PNPLA6: variants seen among roughly 807,000 people sequenced by gnomAD.
The protein encoded by PNPLA6 is patatin like domain 6, lysophospholipase, also known as patatin-like phospholipase domain-containing protein 6.
Under a neutral mutation model 153.7 loss-of-function variants are expected in PNPLA6, and 105 were observed. The ratio of observed to expected loss-of-function variants is 0.68; its 90% CI spans 0.58 to 0.80. The LOEUF is 0.80. PNPLA6 is among the 30% of genes least tolerant of loss of function. PNPLA6 has a pLI of 0.00. For missense variants in PNPLA6, 1,423 were observed against 1,919.3 expected (o/e 0.74, Z 4.83); for synonymous variants, 825 against 822.2 (o/e 1.00, Z -0.06).
At position 7,536,040 on chromosome 19, in the gene PNPLA6, C is replaced by T. The variant is rs1274631287; in HGVS notation, c.232+20C>T. ...TGCCAAGTGAGCACCCGAGGGGCCC[C>T]TCTTGGGAGGCTGTATGGTGGGGGG... is the stretch of plus-strand genomic sequence containing the variant. On this transcript the variant is annotated intron_variant, in intron 1 of 31. Transcript: ENST00000600737. 1 of 1,577,786 alleles carries T rather than the reference C, an allele frequency of 6.3e-7. No homozygotes were observed. The highest frequency in any genetic ancestry group is 8.6e-7 in the Non-Finnish European group (1 of 1,162,434).
rs1198987570 is a variant in PNPLA6, at chr19:7,540,685, T to G, written c.770T>G (p.Leu257Arg). The change falls in exon 6 of 32, where the codon CTT becomes CGT. Residue 257 changes from leucine (L) to arginine (R), a missense_variant. This residue lies in a region of PNPLA6 where 118 missense variants were observed against 158.8 expected (regional missense o/e 0.74). Coordinates refer to ENST00000600737, the MANE Select transcript of PNPLA6 (RefSeq NM_001166114.2). This position sits in a 1 kb window ranked among gnomAD's most constrained non-coding sequence, Gnocchi z 6.8. ...GTTCCTGGGGACAGCGTCAACAGCC[T>G]TCTCAGCATCCTGGATGTCATCACC... is the stretch of plus-strand genomic sequence containing the variant. The part of the protein sequence containing the change: ...EVVPGDSVNS[L>R]LSILDVITGH... 6.2e-7 allele frequency: 1 copy of G among 1,613,660 alleles called. No individual in the cohort carries two copies. The highest frequency in any genetic ancestry group is 1.3e-5 in the African/African-American group (1 of 74,876).
At chr19:7,544,355 G>T (rs1202265064) in intron 13 of PNPLA6, among the ~76,000 whole-genome samples, 2 of 152,092 alleles carry the variant, frequency 1.3e-5, no homozygotes, top group Non-Finnish European at 2.9e-5. Flanking sequence ...CAGGTGATCC[G>T]CCTGCCTCGG....
At position 7,541,321 on chromosome 19, in the gene PNPLA6, C is replaced by G. The variant is rs1266362396; in HGVS notation, c.925-33C>G. 2.5e-6 allele frequency: 4 copies of G among 1,595,194 alleles called. No homozygotes were observed. In the African/African-American group the frequency reaches 5.4e-5, roughly 21 times the overall value. ...ATCTGGCCCTGCCCCTTACCCCGCC[C>G]CATCTTATGGCCACGCCCCTCGAGC... is the stretch of plus-strand genomic sequence containing the variant. On this transcript the variant is annotated intron_variant, in intron 7 of 31. Coordinates refer to ENST00000600737, the MANE Select transcript of PNPLA6 (RefSeq NM_001166114.2). The surrounding 1 kb of genome is among the most constrained non-coding windows in gnomAD (Gnocchi z 5.2).
chr19:7,549,933 G>T lies in PNPLA6; in HGVS notation c.1635G>T (p.Trp545Cys). The change falls in exon 14 of 32, where the codon TGG becomes TGT. Residue 545 changes from tryptophan to cysteine, a missense_variant. Trp to Cys is a radical substitution (Grantham distance 215). This residue lies in a region of PNPLA6 where 119 missense variants were observed against 163.7 expected (regional missense o/e 0.73). Coordinates refer to ENST00000600737, the MANE Select transcript of PNPLA6 (RefSeq NM_001166114.2). Reference sequence around the variant, plus strand: ...ACGTGAGCCTGCACTTCGTGCTCTGGGGCTGCCTGCACGTGTACCAGCGCA... The same window carrying T: ...ACGTGAGCCTGCACTTCGTGCTCTGTGGCTGCCTGCACGTGTACCAGCGCA... Reference protein sequence around the residue: ...DQDVSLHFVLWGCLHVYQRMI... With the variant: ...DQDVSLHFVLCGCLHVYQRMI... 1 of 1,613,672 alleles carries T rather than the reference G, an allele frequency of 6.2e-7. No individual in the cohort carries two copies. Among genetic ancestry groups the T allele is most frequent in the Non-Finnish European group, 8.5e-7 (1 of 1,180,042 alleles).
chr19:7,539,529 G>A (rs1160024375), intron 3 of PNPLA6, among the ~76,000 whole-genome samples: 1 of 151,192 alleles, frequency 6.6e-6, no homozygotes, highest in Non-Finnish European at 1.5e-5. Context: ...AGGCCGAGTC[G>A]GGCGGATCAC....
chr19:7,535,841 C>A lies in PNPLA6; in HGVS notation c.53C>A (p.Ala18Glu). 6.5e-7 allele frequency: 1 copy of A among 1,537,546 alleles called. No homozygotes were observed. Among genetic ancestry groups the A allele is most frequent in the Non-Finnish European group, 8.7e-7 (1 of 1,147,042 alleles). ...ACGAACTCCTCGGGGGCGAAGGTGG[C>A]GGAGAGGGATGGGTTCCAGGACGTC... is the stretch of plus-strand genomic sequence containing the variant. ...LATNSSGAKV[A>E]ERDGFQDVLA... Residue 18 changes from alanine to glutamate, a missense_variant, in exon 1 of 32, where the codon GCG (alanine) becomes GAG (glutamate). Physicochemically the swap from Ala to Glu is moderately radical, Grantham distance 107 (BLOSUM62 -1). Around this residue, in one of 10 missense-constraint regions of PNPLA6, gnomAD observed 109 missense variants for 109.4 expected, o/e 1.00. Coordinates refer to ENST00000600737, the MANE Select transcript of PNPLA6 (RefSeq NM_001166114.2). The surrounding 1 kb of genome is among the most constrained non-coding windows in gnomAD (Gnocchi z 5.0).
At position 7,555,261 on chromosome 19, in the gene PNPLA6, GAGA is replaced by G. The variant is rs1399899690; in HGVS notation, c.2833_2835del (p.Lys945del). On this transcript the variant is annotated inframe_deletion, in exon 23 of 32. Coordinates refer to ENST00000600737, the MANE Select transcript of PNPLA6 (RefSeq NM_001166114.2). This position sits in a 1 kb window ranked among gnomAD's most constrained non-coding sequence, Gnocchi z 6.3. Reference sequence around the variant, plus strand: ...TCCCCCATCCCAGCATGAGCTCTACGAGAAGGTTTTCTCCAGGCGCGCGGACCG... The same window carrying G: ...TCCCCCATCCCAGCATGAGCTCTACGAGGTTTTCTCCAGGCGCGCGGACCG... 3 of 1,598,018 alleles carry G rather than the reference GAGA, an allele frequency of 1.9e-6. No homozygotes were observed. The highest frequency in any genetic ancestry group is 1.1e-5 in the South Asian group (1 of 88,436).
intron 13 of PNPLA6, among the ~76,000 whole-genome samples, chr19:7,544,133 CAG>C (rs943391936): frequency 4.7e-4 from 67 of 142,788 alleles, no homozygotes; most frequent in African/African-American, 1.5e-3. Flanking sequence ...TGTTTTGAGA[CAG>C]AGTCTTGCTG....
Position 7,542,683 on chromosome 19 carries a change from A to C in PNPLA6, c.1362+13A>C. 2 of 1,611,930 alleles carry C rather than the reference A, an allele frequency of 1.2e-6. No homozygotes were observed. Among genetic ancestry groups the C allele is most frequent in the South Asian group, 1.1e-5 (1 of 91,054 alleles). On this transcript the variant is annotated intron_variant, in intron 11 of 31. Coordinates refer to ENST00000600737, the MANE Select transcript of PNPLA6 (RefSeq NM_001166114.2). ...AGCCCCCGCTCGGGTAAGGCTTGGGACCCTGCCCGGTGGTGGAGCCCGCAG... is the reference window on the plus strand; with the variant it reads ...AGCCCCCGCTCGGGTAAGGCTTGGGCCCCTGCCCGGTGGTGGAGCCCGCAG...
chr19:7,552,899 T>TTC (rs755873506), intron 18 of PNPLA6, among the ~76,000 whole-genome samples: 1 of 151,948 alleles, frequency 6.6e-6, no homozygotes, highest in Non-Finnish European at 1.5e-5. Flanking sequence ...AAAGAGGCTT[T>TTC]TCTAAGGACA....
Position 7,540,227 on chromosome 19 carries a change from C to G in PNPLA6, c.633C>G (p.Asp211Glu). Residue 211 changes from aspartate (D) to glutamate (E), a missense_variant, in exon 5 of 32, where the codon GAC (aspartate) becomes GAG (glutamate). Asp to Glu is a conservative substitution (Grantham distance 45). Around this residue, in one of 10 missense-constraint regions of PNPLA6, gnomAD observed 118 missense variants for 158.8 expected, o/e 0.74. Transcript: ENST00000600737. This position sits in a 1 kb window ranked among gnomAD's most constrained non-coding sequence, Gnocchi z 6.8. ...HMVFQRLGQG[D>E]YVFRPGQPDA... Reference sequence around the variant, plus strand: ...TCTTCCAGCGGCTGGGCCAGGGTGACTACGTCTTCCGGCCGGGCCAGCCAG... The same window carrying G: ...TCTTCCAGCGGCTGGGCCAGGGTGAGTACGTCTTCCGGCCGGGCCAGCCAG... The G allele has an allele frequency of 1.2e-6, 2 of 1,609,760 alleles. No individual in the cohort carries two copies. Among genetic ancestry groups the G allele is most frequent in the Non-Finnish European group, 1.7e-6 (2 of 1,179,994 alleles).
In PNPLA6 at chr19:7,555,806, T is replaced by C. The variant is rs773068467; in HGVS notation, c.3093+43T>C. 6.2e-7 allele frequency: 1 copy of C among 1,604,944 alleles called. No homozygotes were observed. Among genetic ancestry groups the C allele is most frequent in the Non-Finnish European group, 8.5e-7 (1 of 1,176,722 alleles). On this transcript the variant is annotated intron_variant, in intron 24 of 31. Coordinates refer to ENST00000600737, the MANE Select transcript of PNPLA6 (RefSeq NM_001166114.2). This position sits in a 1 kb window ranked among gnomAD's most constrained non-coding sequence, Gnocchi z 6.3. ...GGATTGCTGCACCCCAGGAGTGCCATAAAACCCGTGGTTCCAACCTAACCT... is the reference window on the plus strand; with the variant it reads ...GGATTGCTGCACCCCAGGAGTGCCACAAAACCCGTGGTTCCAACCTAACCT...
intron 13 of PNPLA6, among the ~76,000 whole-genome samples, chr19:7,547,182 GATGTGAGCCACC>G (rs1316772465): frequency 2.0e-5 from 3 of 152,220 alleles, no homozygotes; most frequent in Non-Finnish European, 4.4e-5. Context: ...TGGGATTACA[GATGTGAGCCACC>G]ATGGCCAGCC....
Position 7,541,535 on chromosome 19 carries a change from T to C in PNPLA6, c.1019T>C (p.Leu340Pro). ...NELFSHEIQP[L>P]RLFPSPGLPT... Reference sequence around the variant, plus strand: ...CTCTGCCCCCAGGAGATCCAGCCCCTGCGTCTGTTCCCCAGCCCCGGCCTC... The same window carrying C: ...CTCTGCCCCCAGGAGATCCAGCCCCCGCGTCTGTTCCCCAGCCCCGGCCTC... The change falls in exon 9 of 32, where the codon CTG becomes CCG. Residue 340 changes from leucine (L) to proline (P), a missense_variant. Around this residue, in one of 10 missense-constraint regions of PNPLA6, gnomAD observed 267 missense variants for 255.1 expected, o/e 1.05. Transcript: ENST00000600737. The surrounding 1 kb of genome is among the most constrained non-coding windows in gnomAD (Gnocchi z 5.2). 1 of 1,607,172 alleles carries C rather than the reference T, an allele frequency of 6.2e-7. No homozygotes were observed. The highest frequency in any genetic ancestry group is 8.5e-7 in the Non-Finnish European group (1 of 1,177,032).
At chr19:7,534,401 C>G (rs573884699), upstream of PNPLA6, 2 of 164,876 alleles carry the variant, frequency 1.2e-5, no homozygotes, top group South Asian at 2.9e-4. Flanking sequence ...CGGTAGCCAG[C>G]TGTGCCCTGA....
At chr19:7,536,652 C>T (rs1401828600) in intron 3 of PNPLA6, 106 bp downstream of exon 3, 9 of 788,700 alleles carry the variant, frequency 1.1e-5, no homozygotes, top group Non-Finnish European at 1.5e-5. Context: ...ATTGGCTGCG[C>T]GCTGTGGCTC....
In PNPLA6 at chr19:7,535,756, C is replaced by T; in HGVS notation, c.-33C>T. The T allele has an allele frequency of 6.6e-7, 1 of 1,520,646 alleles. No homozygotes were observed. The highest frequency in any genetic ancestry group is 8.8e-7 in the Non-Finnish European group (1 of 1,134,650). The allele number at this position is 1,520,646 out of a possible 1,614,324, so 94.2% of individuals were successfully genotyped here. A position where few individuals can be genotyped will look rare whatever the true frequency, so the allele number is the denominator to read the frequency against. Reference sequence around the variant, plus strand: ...CGGGCCTCAGGGAAGAGTCGCGCCCCCGGGGAGGGAGCAGCACTGGCCCAT... The same window carrying T: ...CGGGCCTCAGGGAAGAGTCGCGCCCTCGGGGAGGGAGCAGCACTGGCCCAT... On this transcript the variant is annotated 5_prime_UTR_variant, in exon 1 of 32. Transcript: ENST00000600737. This position sits in a 1 kb window ranked among gnomAD's most constrained non-coding sequence, Gnocchi z 5.0.
chr19:7,555,229 G>T lies in PNPLA6; in HGVS notation c.2818-20G>T. On this transcript the variant is annotated intron_variant, in intron 22 of 31. Transcript: ENST00000600737. The surrounding 1 kb of genome is among the most constrained non-coding windows in gnomAD (Gnocchi z 6.3). ...CCCCGCCCTCATGCTCCTGGGTCGC[G>T]ACTATCTCCCCCATCCCAGCATGAG... 6.3e-7 allele frequency: 1 copy of T among 1,580,536 alleles called. No homozygotes were observed. The highest frequency in any genetic ancestry group is 1.1e-5 in the South Asian group (1 of 87,664).
intron 27 of PNPLA6, 66 bp downstream of exon 27, chr19:7,557,350 G>C: frequency 3.0e-6 from 3 of 1,002,802 alleles, no homozygotes; most frequent in Non-Finnish European, 4.7e-6. Flanking sequence ...GCACACGCGT[G>C]GGCACACACA....
Sources: allele counts gnomAD v4.1 joint callset (sites outside exome capture counted in the v4.1 genomes callset), GRCh38; gene constraint gnomAD v4.1.1; regional missense constraint gnomAD v4.1.1; non-coding constraint Gnocchi (gnomAD v3.1); transcripts MANE v1.5; gene names NCBI Gene and HGNC (gene_info 2026-07-23, HGNC 2026-07-21).